ZNRF1: variants seen among roughly 807,000 people sequenced by gnomAD.
ZNRF1 encodes E3 ubiquitin-protein ligase ZNRF1.
A neutral mutation model predicts 18.4 loss-of-function variants in ZNRF1; 3 were observed. The ratio of observed to expected loss-of-function variants is 0.16; its 90% CI spans 0.07 to 0.42. The LOEUF (loss-of-function observed/expected upper bound fraction) is 0.42, where lower values mean the gene tolerates loss of function less well. Among genes scored for constraint, ZNRF1 ranks in the 10% least tolerant of loss-of-function variants. The pLI is 0.99. For synonymous variants in ZNRF1, 157 were observed against 144.2 expected (o/e 1.09, Z -0.64); for missense variants, 310 against 329.8 (o/e 0.94, Z 0.47).
intron 2 of ZNRF1, among the ~76,000 whole-genome samples, chr16:75,103,172 CT>C (rs1224672572): frequency 6.6e-6 from 1 of 152,198 alleles, no homozygotes; most frequent in Non-Finnish European, 1.5e-5. Context: ...TGGCTATTCA[CT>C]GTCGCCGGCA....
intron 1 of ZNRF1, among the ~76,000 whole-genome samples, chr16:75,010,764 G>A (rs1412502944): frequency 2.8e-5 from 4 of 141,398 alleles, no homozygotes; most frequent in Admixed American, 1.5e-4. Context: ...AGGCTGGAGT[G>A]CAGTGGCATG....
At chr16:75,003,811 A>G in intron 1 of ZNRF1, among the ~76,000 whole-genome samples, 1 of 152,206 alleles carries the variant, frequency 6.6e-6, no homozygotes, top group East Asian at 1.9e-4. Context: ...TGTAAAATGT[A>G]GAAGACGCCT....
At chr16:75,094,276 G>A (rs543734292) in intron 2 of ZNRF1, among the ~76,000 whole-genome samples, 1 of 152,334 alleles carries the variant, frequency 6.6e-6, no homozygotes, top group South Asian at 2.1e-4. Flanking sequence ...CCCTGGCCAT[G>A]TTGCCTCCTA....
chr16:75,087,332 G>C (rs1015486836), intron 1 of ZNRF1, among the ~76,000 whole-genome samples: 1 of 152,226 alleles, frequency 6.6e-6, no homozygotes, highest in African/African-American at 2.4e-5. Context: ...CTGACAGTAA[G>C]AGGTCACAGA....
At chr16:75,004,516 G>A (rs2145315202) in intron 1 of ZNRF1, among the ~76,000 whole-genome samples, 1 of 152,298 alleles carries the variant, frequency 6.6e-6, no homozygotes. Flanking sequence ...TTAGTCATAT[G>A]TGTATATATA....
chr16:75,024,588 G>T (rs1471552843), intron 1 of ZNRF1, among the ~76,000 whole-genome samples: 3 of 152,220 alleles, frequency 2.0e-5, no homozygotes, highest in African/African-American at 7.2e-5. Context: ...AAACAAAAAA[G>T]ATGGCTTGTA....
intron 1 of ZNRF1, among the ~76,000 whole-genome samples, chr16:75,089,387 G>A (rs1249426219): frequency 6.6e-6 from 1 of 152,158 alleles, no homozygotes; most frequent in African/African-American, 2.4e-5. Context: ...GGTATTACAG[G>A]TGTGAGCCAC....
intron 1 of ZNRF1, among the ~76,000 whole-genome samples, chr16:75,040,856 C>A (rs1597874565): frequency 1.3e-5 from 2 of 151,896 alleles, no homozygotes; most frequent in South Asian, 4.2e-4. Flanking sequence ...GATCCACCCA[C>A]CTTGGCCTTC....
chr16:75,069,166 T>G lies in ZNRF1; in HGVS notation c.425-24406T>G, dbSNP rs577424220. 2.0e-5 allele frequency among the ~76,000 whole-genome samples: 3 copies of G among 152,256 alleles called. No homozygotes were observed. The East Asian group carries it at 5.8e-4, about 29-fold the overall frequency. On this transcript the variant is annotated intron_variant, in intron 1 of 4. Coordinates refer to ENST00000335325, the MANE Select transcript of ZNRF1 (RefSeq NM_032268.5). ...TAATCTTTCAGTGGCACTATTGCCT[T>G]TTCAGAAAAGAAAAAAAAAAGGAAG...
chr16:75,082,141 CA>C (rs915009758), intron 1 of ZNRF1, among the ~76,000 whole-genome samples: 3 of 152,246 alleles, frequency 2.0e-5, no homozygotes, highest in Admixed American at 2.0e-4. Context: ...CTCAGCCTCC[CA>C]AAGTGTTGGA....
Position 74,999,493 on chromosome 16 carries a change from C to T in ZNRF1, c.-179C>T. 2.3e-6 allele frequency: 1 copy of T among 439,998 alleles called. No homozygotes were observed. Among genetic ancestry groups the T allele is most frequent in the East Asian group, 3.6e-5 (1 of 28,078 alleles). The allele number at this position is 439,998 out of a possible 1,614,324, so 27.3% of individuals were successfully genotyped here. A position where few individuals can be genotyped will look rare whatever the true frequency, so the allele number is the denominator to read the frequency against. ...GAGTTTGGGATCCCCGCCCGCCCGC[C>T]TGCCTCTTCCGCCCCGCGGGTTTTT... On this transcript the variant is annotated 5_prime_UTR_variant, in exon 1 of 5. Coordinates refer to ENST00000335325, the MANE Select transcript of ZNRF1 (RefSeq NM_032268.5).
At chr16:75,000,460 C>T (rs1369530506) in intron 1 of ZNRF1, 6 of 421,694 alleles carry the variant, frequency 1.4e-5, no homozygotes, top group South Asian at 5.6e-5. Context: ...CCTGCCTCAC[C>T]GGTAACGGAG....
At chr16:75,002,290 A>G (rs1256092220) in intron 1 of ZNRF1, 2 of 152,230 alleles carry the variant, frequency 1.3e-5, no homozygotes, top group African/African-American at 4.8e-5. Flanking sequence ...GAAACAGACC[A>G]TGGGATCTTC....
intron 1 of ZNRF1, among the ~76,000 whole-genome samples, chr16:75,036,560 A>C (rs140453497): frequency 1.0e-4 from 15 of 145,464 alleles, no homozygotes; most frequent in Middle Eastern, 3.6e-3. Context: ...CAATACTTTC[A>C]TCTGTTTCTT....
At chr16:75,050,437 G>C (rs886791951) in intron 1 of ZNRF1, among the ~76,000 whole-genome samples, 3 of 152,004 alleles carry the variant, frequency 2.0e-5, no homozygotes, top group Non-Finnish European at 4.4e-5. Flanking sequence ...GAGATCAGAG[G>C]ATGGTTTGAG....
At chr16:75,064,279 G>A in intron 1 of ZNRF1, among the ~76,000 whole-genome samples, 1 of 151,950 alleles carries the variant, frequency 6.6e-6, no homozygotes, top group East Asian at 1.9e-4. Context: ...TCCAACCTGG[G>A]TGACAGAGTG....
chr16:75,093,910 C>T (rs1396283205), intron 2 of ZNRF1, among the ~76,000 whole-genome samples: 2 of 152,188 alleles, frequency 1.3e-5, no homozygotes, highest in African/African-American at 4.8e-5. Flanking sequence ...TGGGAAGGCT[C>T]TCGGGCTGCT....
chr16:75,058,173 A>G (rs999863813), intron 1 of ZNRF1, among the ~76,000 whole-genome samples: 5 of 143,002 alleles, frequency 3.5e-5, no homozygotes, highest in Non-Finnish European at 4.5e-5. Flanking sequence ...TGGTCTCACT[A>G]TGTTGTCCAG....
At chr16:75,064,575 A>AG (rs2035780199) in intron 1 of ZNRF1, among the ~76,000 whole-genome samples, 2 of 152,000 alleles carry the variant, frequency 1.3e-5, no homozygotes, top group Middle Eastern at 3.4e-3. Context: ...AAAAAAAAAA[A>AG]AGCGTGCTTA....
Sources: allele counts gnomAD v4.1 joint callset (sites outside exome capture counted in the v4.1 genomes callset), GRCh38; gene constraint gnomAD v4.1.1; transcripts MANE v1.5; gene names NCBI Gene and HGNC (gene_info 2026-07-23, HGNC 2026-07-21).